UBR3: variants seen among roughly 807,000 people sequenced by gnomAD.
The protein encoded by UBR3 is E3 ubiquitin-protein ligase UBR3.
Under a neutral mutation model 243.2 loss-of-function variants are expected in UBR3, and 85 were observed. The observed-to-expected ratio is 0.35, with a 90% CI of 0.29 to 0.42. The LOEUF (loss-of-function observed/expected upper bound fraction) is 0.42. UBR3 is among the 10% of genes least tolerant of loss of function. The pLI, the probability that UBR3 is intolerant of heterozygous loss-of-function variation, is 1.00. For missense variants in UBR3, 1,686 were observed against 2,300.8 expected, an observed-to-expected ratio of 0.73 and a Z score of 5.47; for synonymous variants, 748 against 799.8, an observed-to-expected ratio of 0.94 and a Z score of 1.09.
At chr2:169,909,499 T>C (rs550586594) in intron 10 of UBR3, among the ~76,000 whole-genome samples, 1 of 152,184 alleles carries the variant, frequency 6.6e-6, no homozygotes, top group Non-Finnish European at 1.5e-5. Context: ...AAGCTGGGGC[T>C]GAGGGAGTGG....
intron 32 of UBR3, among the ~76,000 whole-genome samples, chr2:170,049,850 T>C (rs2091176808): frequency 6.6e-6 from 1 of 152,230 alleles, no homozygotes; most frequent in African/African-American, 2.4e-5. Context: ...TGGTACATCA[T>C]ATGTTCAGTA....
At chr2:170,065,431 T>C (rs2091542152) in intron 35 of UBR3, among the ~76,000 whole-genome samples, 1 of 151,930 alleles carries the variant, frequency 6.6e-6, no homozygotes, top group Non-Finnish European at 1.5e-5. Flanking sequence ...GGATTACAGG[T>C]GCGCACCACC....
At chr2:170,059,898 TATTTCTTGCTCAGATTTTTGTTATG>T (rs2091422951) in intron 33 of UBR3, among the ~76,000 whole-genome samples, 2 of 152,188 alleles carry the variant, frequency 1.3e-5, no homozygotes, top group South Asian at 4.1e-4. Context: ...AATTAGCAGG[TATTTCTTGCTCAGATTTTTGTTATG>T]CAGAGGGATA....
At position 170,061,157 on chromosome 2, in the gene UBR3, C is replaced by T. The variant is rs867794652; in HGVS notation, c.4864C>T (p.His1622Tyr). The change falls in exon 34 of 39, where the codon CAT (histidine) becomes TAT (tyrosine). Residue 1622 changes from histidine to tyrosine, a missense_variant. Coordinates refer to ENST00000272793, the MANE Select transcript of UBR3 (RefSeq NM_172070.4). ...ISELFKGKLY[H>Y]EEGTQECAMV... is the part of the protein sequence containing the mutation. ...TGAACTATTTAAAGGAAAGTTATAC[C>T]ATGAAGAAGGAACTCAGGAATGTGC... is the stretch of plus-strand genomic sequence containing the variant. The T allele has an allele frequency of 4.4e-6, 7 of 1,599,258 alleles. No homozygotes were observed. The highest frequency in any genetic ancestry group is 2.3e-5 in the South Asian group (2 of 86,632).
At chr2:170,064,454 T>G (rs1202347157) in intron 35 of UBR3, among the ~76,000 whole-genome samples, 1 of 152,038 alleles carries the variant, frequency 6.6e-6, no homozygotes, top group Non-Finnish European at 1.5e-5. Flanking sequence ...AATTATAAAT[T>G]TATTTTGTAT....
At chr2:169,888,661 A>C (rs1294534858) in intron 5 of UBR3, among the ~76,000 whole-genome samples, 2 of 152,196 alleles carry the variant, frequency 1.3e-5, no homozygotes, top group African/African-American at 2.4e-5. Context: ...CCACCTCACT[A>C]TCCCAGCTCT....
intron 38 of UBR3, among the ~76,000 whole-genome samples, chr2:170,081,061 T>TC (rs2091896592): frequency 6.6e-6 from 1 of 151,870 alleles, no homozygotes. Context: ...GGTGTGGTGG[T>TC]CATACACCTG....
chr2:169,961,006 A>G (rs1441307223), intron 24 of UBR3, among the ~76,000 whole-genome samples: 1 of 152,028 alleles, frequency 6.6e-6, no homozygotes, highest in Non-Finnish European at 1.5e-5. Flanking sequence ...ATTTGTTTCT[A>G]TATGGACCAT....
Position 169,877,488 on chromosome 2 carries a change from A to G in UBR3, c.845-6A>G, listed in dbSNP as rs760877534. ...TTTTTTCTGATTTGAAGTTTGTTTT[A>G]ATTAGGTCTTGGAGAAAATGCTTGT... is the stretch of plus-strand genomic sequence containing the variant. On this transcript the variant is annotated splice_region_variant and splice_polypyrimidine_tract_variant and intron_variant, in intron 3 of 38. Transcript: ENST00000272793. The G allele has an allele frequency of 3.2e-5, 49 of 1,521,660 alleles. No individual in the cohort carries two copies. The highest frequency in any genetic ancestry group is 4.2e-5 in the Non-Finnish European group (48 of 1,139,914). 94.3% of individuals were successfully genotyped at this position (1,521,660 alleles called of 1,614,324 possible).
At chr2:169,926,326 G>A (rs1308082035) in intron 14 of UBR3, among the ~76,000 whole-genome samples, 2 of 152,188 alleles carry the variant, frequency 1.3e-5, no homozygotes, top group African/African-American at 4.8e-5. Flanking sequence ...GGTGGCTCAT[G>A]CCTGTTATCC....
chr2:169,836,061 ATATATATTTTTTTTT>A (rs1240353044), intron 1 of UBR3, among the ~76,000 whole-genome samples: 27 of 33,990 alleles, frequency 7.9e-4, no homozygotes, highest in South Asian at 2.2e-3. Context: ...ATATATATAT[ATATATATTTTTTTTT>A]TTTTTTTTTT....
rs753452249 is a variant in UBR3, at chr2:170,007,010, C to G, written c.4050C>G (p.Gly1350=). The part of the protein sequence containing the change: ...ESLRNDQVLQ[G]FSVDKGEFTC... ...TTTAGAATGACCAGGTTCTTCAGGG[C>G]TTCTCGGTGGACAAAGGAGAATTCA... The change falls in exon 28 of 39, where the codon GGC becomes GGG. Residue 1350 remains glycine, a synonymous_variant. Transcript: ENST00000272793. The G allele has an allele frequency of 2.5e-6, 4 of 1,613,514 alleles. No homozygotes were observed. The highest frequency in any genetic ancestry group is 1.1e-5 in the South Asian group (1 of 91,012).
intron 24 of UBR3, among the ~76,000 whole-genome samples, chr2:169,975,795 C>T (rs181179899): frequency 6.6e-6 from 1 of 152,074 alleles, no homozygotes; most frequent in African/African-American, 2.4e-5. Context: ...CAGCAAGACT[C>T]TGTCTCTAAA....
At chr2:169,886,156 C>CA (rs71006050) in intron 5 of UBR3, among the ~76,000 whole-genome samples, 52,777 of 111,870 alleles carry the variant, frequency 0.47, 11,149 homozygotes, top group East Asian at 0.54. Flanking sequence ...GACTCCGTCT[C>CA]AAAAAAAAAA....
intron 1 of UBR3, among the ~76,000 whole-genome samples, chr2:169,847,120 TGTGTGC>T (rs150357913): frequency 0.24 from 12,819 of 52,412 alleles, 650 homozygotes; most frequent in South Asian, 0.31. Flanking sequence ...TGTGTGTGTG[TGTGTGC>T]GCTGGCAGTT....
Position 169,896,382 on chromosome 2 carries a change from A to C in UBR3, c.1237-125A>C, listed in dbSNP as rs377322755. The stretch of plus-strand genomic sequence containing the variant: ...CTACCTCACCATCGAGATTTTTTTT[A>C]AGTTATCTTGGGCATTATTATAAAT... On this transcript the variant is annotated intron_variant, in intron 7 of 38. Coordinates refer to ENST00000272793, the MANE Select transcript of UBR3 (RefSeq NM_172070.4). 56 of 580,312 alleles carry C rather than the reference A, an allele frequency of 9.6e-5. No individual in the cohort carries two copies. In the East Asian group the frequency reaches 1.2e-3, roughly 13 times the overall value. The allele number at this position is 580,312 out of a possible 1,614,324, so 35.9% of individuals were successfully genotyped here.
At chr2:170,004,968 A>T (rs1293589732) in intron 27 of UBR3, among the ~76,000 whole-genome samples, 1 of 152,150 alleles carries the variant, frequency 6.6e-6, no homozygotes, top group Non-Finnish European at 1.5e-5. Flanking sequence ...TCATGCCTGT[A>T]ATCCCAGCAC....
chr2:170,033,493 G>A (rs540448676), intron 31 of UBR3, among the ~76,000 whole-genome samples: 3 of 150,300 alleles, frequency 2.0e-5, no homozygotes, highest in Non-Finnish European at 4.4e-5. Context: ...TGATTCCAGA[G>A]CCTAAGTTTT....
chr2:169,901,112 C>T (rs999031621), intron 8 of UBR3, among the ~76,000 whole-genome samples: 1 of 152,084 alleles, frequency 6.6e-6, no homozygotes, highest in African/African-American at 2.4e-5. Flanking sequence ...CTCTACTTGT[C>T]CTATCAATAT....
Sources: gnomAD v4.1 joint callset for allele counts (sites outside exome capture counted in the v4.1 genomes callset) on GRCh38, gnomAD v4.1.1 for gene constraint, MANE v1.5 for transcripts, NCBI Gene and HGNC (gene_info 2026-07-23, HGNC 2026-07-21) for gene names.